Variants in USO1 observed in about 807,000 individuals in gnomAD.
The protein encoded by USO1 is USO1 vesicle transport factor.
In USO1, 57 loss-of-function variants were observed where a neutral mutation model predicts 124.5. The ratio of observed to expected loss-of-function variants is 0.46; its 90% CI spans 0.37 to 0.57. The LOEUF is 0.57. Among genes scored for constraint, USO1 ranks in the 20% least tolerant of loss-of-function variants. The pLI, the probability that USO1 is intolerant of heterozygous loss-of-function variation, is 0.00. For missense variants in USO1, 900 were observed against 1,040.6 expected, an observed-to-expected ratio of 0.86 and a Z score of 1.86; for synonymous variants, 369 against 362.8, an observed-to-expected ratio of 1.02 and a Z score of -0.19.
At position 75,813,426 on chromosome 4, in the gene USO1, A is replaced by G. The variant is rs953736619; in HGVS notation, c.*131A>G. 15 of 1,015,860 alleles carry G rather than the reference A, an allele frequency of 1.5e-5. No individual in the cohort carries two copies. The Admixed American group carries it at 3.2e-4, about 22-fold the overall frequency. The allele number at this position is 1,015,860 out of a possible 1,614,324, so 62.9% of individuals were successfully genotyped here. ...AACATTCACTATTAAGACTATTGAT[A>G]TATTTTTGTAATGTTGCCACCCATG... On this transcript the variant is annotated 3_prime_UTR_variant, in exon 24 of 24. Coordinates refer to ENST00000514213, the MANE Select transcript of USO1 (RefSeq NM_003715.4).
intron 12 of USO1, among the ~76,000 whole-genome samples, chr4:75,791,521 C>T (rs1314375679): frequency 6.6e-6 from 1 of 151,924 alleles, no homozygotes; most frequent in Admixed American, 6.6e-5. Context: ...GAGACTGTGC[C>T]TCAAAAATAA....
chr4:75,735,798 G>C (rs1166008158), intron 1 of USO1, among the ~76,000 whole-genome samples: 2 of 152,084 alleles, frequency 1.3e-5, no homozygotes, highest in African/African-American at 2.4e-5. Flanking sequence ...ATGAGCCCCT[G>C]CACCCAGCCA....
intron 13 of USO1, among the ~76,000 whole-genome samples, chr4:75,794,674 G>T (rs1296582918): frequency 6.6e-6 from 1 of 152,190 alleles, no homozygotes; most frequent in African/African-American, 2.4e-5. Context: ...TCTAGCAGTA[G>T]TTATCCTACC....
rs1407177507 is a variant in USO1, at chr4:75,759,244, A to C, written c.295+1671A>C. On this transcript the variant is annotated intron_variant, in intron 4 of 23. Coordinates refer to ENST00000514213, the MANE Select transcript of USO1 (RefSeq NM_003715.4). The stretch of plus-strand genomic sequence containing the variant: ...AGTAATAGAATCACTTTTATTAAGG[A>C]CCTTTTTTTTTTTTTTTTTTCTGAA... Among the ~76,000 whole-genome samples, 4 of 10,668 alleles carry C rather than the reference A, an allele frequency of 3.7e-4. No individual in the cohort carries two copies. The East Asian group carries it at 0.013, about 35-fold the overall frequency. The allele number at this position is 10,668 out of a possible 152,430, so 7.0% of individuals were successfully genotyped here.
chr4:75,752,723 G>A lies in USO1; in HGVS notation c.218+119G>A, dbSNP rs925491600. On this transcript the variant is annotated intron_variant, in intron 3 of 23. Coordinates refer to ENST00000514213, the MANE Select transcript of USO1 (RefSeq NM_003715.4). ...GTATTTTTTGGTAGAGATGGGGTTTGCCATGTTGCCCACGCTGGTCTCGAA... is the reference window on the plus strand; with the variant it reads ...GTATTTTTTGGTAGAGATGGGGTTTACCATGTTGCCCACGCTGGTCTCGAA... 5.4e-5 allele frequency: 21 copies of A among 387,108 alleles called. No individual in the cohort carries two copies. In the South Asian group the frequency reaches 1.0e-3, roughly 19 times the overall value. The allele number at this position is 387,108 out of a possible 1,614,324, so 24.0% of individuals were successfully genotyped here. A position where few individuals can be genotyped will look rare whatever the true frequency, so the allele number is the denominator to read the frequency against.
At chr4:75,771,224 T>G in intron 7 of USO1, 87 bp downstream of exon 7, 3 of 1,420,118 alleles carry the variant, frequency 2.1e-6, no homozygotes, top group Non-Finnish European at 2.8e-6. Flanking sequence ...TTTTAGGAAA[T>G]TAGATTTAGA....
intron 7 of USO1, among the ~76,000 whole-genome samples, chr4:75,771,643 A>G (rs1032325950): frequency 1.8e-4 from 28 of 152,208 alleles, no homozygotes; most frequent in African/African-American, 6.5e-4. Flanking sequence ...CCAACAAAGC[A>G]TTATATTTGG....
At chr4:75,725,923 T>C (rs565550271) in intron 1 of USO1, among the ~76,000 whole-genome samples, 3 of 152,316 alleles carry the variant, frequency 2.0e-5, no homozygotes, top group Admixed American at 6.5e-5. Flanking sequence ...TATGCTTTAA[T>C]CGTTAACTAC....
chr4:75,797,560 C>CAAA (rs34297170), intron 13 of USO1, among the ~76,000 whole-genome samples: 10 of 111,510 alleles, frequency 9.0e-5, no homozygotes, highest in East Asian at 5.0e-4. Context: ...GTTCCAGAAG[C>CAAA]AAAAAAAAAA....
At chr4:75,806,366 G>A in intron 19 of USO1, 120 bp from the exon 20 acceptor site, 1 of 1,219,080 alleles carries the variant, frequency 8.2e-7, no homozygotes, top group Non-Finnish European at 1.1e-6. Context: ...AAAATTAAAA[G>A]GTTGGTGTGA....
At chr4:75,725,068 A>C in intron 1 of USO1, 183 bp downstream of exon 1, 2 of 672,734 alleles carry the variant, frequency 3.0e-6, no homozygotes, top group Non-Finnish European at 5.0e-6. Context: ...CCCCCAGCTC[A>C]GTCCCCATTG....
Position 75,790,650 on chromosome 4 carries a change from A to G in USO1, c.1093A>G (p.Ile365Val), listed in dbSNP as rs369132813. 1.9e-5 allele frequency: 31 copies of G among 1,605,920 alleles called. No individual in the cohort carries two copies. Among genetic ancestry groups the G allele is most frequent in the Non-Finnish European group, 2.3e-5 (27 of 1,177,726 alleles). The change falls in exon 12 of 24, where the codon ATT (isoleucine) becomes GTT (valine). Residue 365 changes from isoleucine (I) to valine (V), a missense_variant. Physicochemically the swap from Ile to Val is conservative, Grantham distance 29. Transcript: ENST00000514213. ...NAPSNPPRPA[I>V]VVLLMSMVNE... Reference sequence around the variant, plus strand: ...TCTTTTTAAATGCAACAGACCGGCAATTGTAGTACTTCTCATGTCCATGGT... The same window carrying G: ...TCTTTTTAAATGCAACAGACCGGCAGTTGTAGTACTTCTCATGTCCATGGT...
At position 75,799,553 on chromosome 4, in the gene USO1, C is replaced by G. The variant is rs1396800437; in HGVS notation, c.1453-69C>G. 17 of 1,564,572 alleles carry G rather than the reference C, an allele frequency of 1.1e-5. No individual in the cohort carries two copies. In the East Asian group the frequency reaches 3.9e-4, roughly 35 times the overall value. ...TTCTTTTCATGCAAATGGAAGGGAT[C>G]TTAGGGCAACTTTAAGTTTGAAAAA... On this transcript the variant is annotated intron_variant, in intron 13 of 23. Transcript: ENST00000514213.
intron 3 of USO1, among the ~76,000 whole-genome samples, chr4:75,754,209 G>A (rs556606193): frequency 2.6e-5 from 4 of 151,730 alleles, no homozygotes; most frequent in South Asian, 2.1e-4. Flanking sequence ...TCAGCCTCCC[G>A]AGTACCTGGG....
At chr4:75,808,811 C>A in intron 20 of USO1, 142 bp from the exon 21 acceptor site, 3 of 952,302 alleles carry the variant, frequency 3.2e-6, no homozygotes, top group South Asian at 1.8e-5. Flanking sequence ...CATCTTGAAC[C>A]CAAAATTCAA....
intron 1 of USO1, chr4:75,729,928 CAT>C (rs756583680): frequency 1.5e-4 from 60 of 409,830 alleles, no homozygotes; most frequent in African/African-American, 1.2e-3. Flanking sequence ...TAAATTTAGA[CAT>C]AGTTTTCGTT....
chr4:75,726,303 G>T (rs1303019575), intron 1 of USO1, among the ~76,000 whole-genome samples: 1 of 145,030 alleles, frequency 6.9e-6, no homozygotes, highest in African/African-American at 2.6e-5. Context: ...AAAAAAAAAG[G>T]GGTGAAGTAA....
chr4:75,733,087 C>T (rs910951263), intron 1 of USO1, among the ~76,000 whole-genome samples: 3 of 151,304 alleles, frequency 2.0e-5, no homozygotes, highest in South Asian at 2.1e-4. Flanking sequence ...GGTGAAACCC[C>T]GTCTCTACTA....
intron 8 of USO1, among the ~76,000 whole-genome samples, chr4:75,779,854 A>C (rs958911918): frequency 2.5e-4 from 38 of 152,228 alleles, no homozygotes; most frequent in African/African-American, 9.2e-4. Flanking sequence ...ACAGCCTTCT[A>C]TTGGAAGAAG....
Sources: gnomAD v4.1 joint callset for allele counts (sites outside exome capture counted in the v4.1 genomes callset) on GRCh38, gnomAD v4.1.1 for gene constraint, MANE v1.5 for transcripts, NCBI Gene and HGNC (gene_info 2026-07-23, HGNC 2026-07-21) for gene names.